FREM3: variants seen among roughly 807,000 people sequenced by gnomAD.
FREM3 encodes FRAS1 related extracellular matrix 3.
Under a neutral mutation model 129.1 loss-of-function variants are expected in FREM3, and 105 were observed. The ratio of observed to expected loss-of-function variants is 0.81; its 90% CI spans 0.69 to 0.96. The LOEUF is 0.96. FREM3 is among the 40% of genes least tolerant of loss of function. The probability of loss-of-function intolerance (pLI) is 0.00; values close to 1 mark genes in which losing one functional copy is unlikely to be tolerated. For missense variants in FREM3, 2,593 were observed against 2,666.3 expected, an observed-to-expected ratio of 0.97 and a Z score of 0.61; for synonymous variants, 1,014 against 1,044.9, an observed-to-expected ratio of 0.97 and a Z score of 0.57.
At chr4:143,643,131 G>T (rs1739351185) in intron 2 of FREM3, among the ~76,000 whole-genome samples, 1 of 152,092 alleles carries the variant, frequency 6.6e-6, no homozygotes, top group African/African-American at 2.4e-5. Context: ...GTGTTGGTGA[G>T]GATACAGAGA....
At chr4:143,674,742 C>A (rs1461777194) in intron 2 of FREM3, among the ~76,000 whole-genome samples, 1 of 152,102 alleles carries the variant, frequency 6.6e-6, no homozygotes, top group Non-Finnish European at 1.5e-5. Flanking sequence ...GGTTGCAATC[C>A]TAGTCTCTGA....
At chr4:143,635,997 A>T (rs1739227142) in intron 2 of FREM3, among the ~76,000 whole-genome samples, 1 of 152,050 alleles carries the variant, frequency 6.6e-6, no homozygotes, top group Non-Finnish European at 1.5e-5. Context: ...GCAACTTCTC[A>T]TCTGCTCCCT....
At chr4:143,634,163 G>C (rs1739193975) in intron 2 of FREM3, among the ~76,000 whole-genome samples, 1 of 152,100 alleles carries the variant, frequency 6.6e-6, no homozygotes, top group South Asian at 2.1e-4. Flanking sequence ...GTGATGATAA[G>C]AAGCCCAAGT....
chr4:143,657,246 T>C (rs540760107), intron 2 of FREM3, among the ~76,000 whole-genome samples: 1 of 152,356 alleles, frequency 6.6e-6, no homozygotes, highest in African/African-American at 2.4e-5. Context: ...TATAATAGTT[T>C]CTCAGAAAGC....
At chr4:143,683,498 A>T (rs995564081) in intron 2 of FREM3, among the ~76,000 whole-genome samples, 1 of 152,234 alleles carries the variant, frequency 6.6e-6, no homozygotes, top group African/African-American at 2.4e-5. Context: ...CAGGGGTAGA[A>T]GAAGCAGCAG....
intron 2 of FREM3, among the ~76,000 whole-genome samples, chr4:143,640,162 A>G (rs149097408): frequency 6.6e-6 from 1 of 152,220 alleles, no homozygotes; most frequent in East Asian, 1.9e-4. Context: ...TGCACCTCTC[A>G]GGGTACTGCA....
rs756690432 is a variant in FREM3, at chr4:143,700,426, C to A, written c.250G>T (p.Asp84Tyr). 1 of 1,531,178 alleles carries A rather than the reference C, an allele frequency of 6.5e-7. No individual in the cohort carries two copies. The highest frequency in any genetic ancestry group is 2.0e-5 in the Admixed American group (1 of 50,638). The allele number at this position is 1,531,178 out of a possible 1,614,324, so 94.8% of individuals were successfully genotyped here. ...GRSLWLDPLR[D>Y]LVIGVQPGDR... ...CCCGGCTGCACTCCAATCACCAGAT[C>A]CCGGAGCGGGTCGAGCCAAAGGGAA... is the stretch of plus-strand genomic sequence containing the variant. Residue 84 changes from aspartate (D) to tyrosine (Y), a missense_variant, in exon 1 of 8, where the codon GAT becomes TAT. Coordinates refer to ENST00000329798, the MANE Select transcript of FREM3 (RefSeq NM_001168235.2).
chr4:143,652,792 C>G (rs1427044138), intron 2 of FREM3, among the ~76,000 whole-genome samples: 5 of 152,242 alleles, frequency 3.3e-5, no homozygotes, highest in Admixed American at 3.3e-4. Flanking sequence ...CCATGCCCAG[C>G]TAATTTTTGT....
intron 2 of FREM3, among the ~76,000 whole-genome samples, chr4:143,681,007 G>A (rs924240132): frequency 6.6e-6 from 1 of 152,074 alleles, no homozygotes; most frequent in Non-Finnish European, 1.5e-5. Context: ...ATATCAAAAT[G>A]CATAATATTA....
intron 5 of FREM3, among the ~76,000 whole-genome samples, chr4:143,618,697 C>A (rs1738897313): frequency 6.6e-6 from 1 of 152,124 alleles, no homozygotes; most frequent in Non-Finnish European, 1.5e-5. Context: ...AGTTCGAGAC[C>A]AGCCTGGGCA....
chr4:143,685,809 A>C (rs548224954), intron 2 of FREM3, among the ~76,000 whole-genome samples: 1 of 151,984 alleles, frequency 6.6e-6, no homozygotes, highest in South Asian at 2.1e-4. Context: ...GAGTCGAACA[A>C]TGAGAACACA....
At chr4:143,681,773 T>C (rs1176929345) in intron 2 of FREM3, among the ~76,000 whole-genome samples, 1 of 152,202 alleles carries the variant, frequency 6.6e-6, no homozygotes, top group Non-Finnish European at 1.5e-5. Context: ...AATTGATATA[T>C]GTTAAGCATC....
chr4:143,642,785 T>C (rs1739343650), intron 2 of FREM3, among the ~76,000 whole-genome samples: 1 of 151,974 alleles, frequency 6.6e-6, no homozygotes, highest in Non-Finnish European at 1.5e-5. Context: ...AATAGACAAA[T>C]GGAATGACAT....
chr4:143,602,481 T>C (rs1228316819), intron 6 of FREM3, among the ~76,000 whole-genome samples: 1 of 152,040 alleles, frequency 6.6e-6, no homozygotes, highest in Admixed American at 6.6e-5. Context: ...AAAGCAGAAG[T>C]ATCTCCCAAA....
At chr4:143,659,480 A>G (rs1266233700) in intron 2 of FREM3, among the ~76,000 whole-genome samples, 1 of 152,100 alleles carries the variant, frequency 6.6e-6, no homozygotes, top group Non-Finnish European at 1.5e-5. Context: ...CCAGTCTGTC[A>G]TTGTTGGACA....
intron 6 of FREM3, among the ~76,000 whole-genome samples, chr4:143,596,836 G>T (rs906716505): frequency 6.6e-6 from 1 of 152,136 alleles, no homozygotes; most frequent in African/African-American, 2.4e-5. Context: ...TTTGTGGGAG[G>T]CTGAGGTGGG....
chr4:143,684,222 C>T (rs925598068), intron 2 of FREM3, among the ~76,000 whole-genome samples: 2 of 152,156 alleles, frequency 1.3e-5, no homozygotes, highest in Admixed American at 6.6e-5. Context: ...GAGCATTAAA[C>T]CACCAAAGCT....
rs1409939582 is a variant in FREM3 at position 143,611,300 on chromosome 4, T to C, written c.6007A>G (p.Ile2003Val). ...GARFPTTKVT[I>V]LADRYDEPVL... ...TTACCATCATAACGATCAGCCAGAATAGTCACCTTAGTGGTGGGGAATCTG... is the reference window on the plus strand; with the variant it reads ...TTACCATCATAACGATCAGCCAGAACAGTCACCTTAGTGGTGGGGAATCTG... Residue 2003 changes from isoleucine (I) to valine (V), a missense_variant, in exon 6 of 8, where the codon ATT (isoleucine) becomes GTT (valine). Physicochemically the swap from Ile to Val is conservative, Grantham distance 29. Around this residue, in one of 2 missense-constraint regions of FREM3, gnomAD observed 317 missense variants for 399.0 expected, o/e 0.79. Coordinates refer to ENST00000329798, the MANE Select transcript of FREM3 (RefSeq NM_001168235.2). The C allele has an allele frequency of 1.3e-6, 2 of 1,536,978 alleles. No individual in the cohort carries two copies. Among genetic ancestry groups the C allele is most frequent in the African/African-American group, 1.4e-5 (1 of 73,148 alleles).
Position 143,699,141 on chromosome 4 carries a change from G to A in FREM3, c.1535C>T (p.Thr512Ile). The change falls in exon 1 of 8, where the codon ACC (threonine) becomes ATC (isoleucine). Residue 512 changes from threonine to isoleucine, a missense_variant. This residue lies in a region of FREM3 where 2,276 missense variants were observed against 2,267.2 expected (regional missense o/e 1.00). Coordinates refer to ENST00000329798, the MANE Select transcript of FREM3 (RefSeq NM_001168235.2). The surrounding 1 kb of genome is among the most constrained non-coding windows in gnomAD (Gnocchi z 4.2). ...CCGGAAGATGATATTGTCACTGTAG[G>A]TGTTGCTGCCATCATGCTGATACAC... ...RVVYQHDGSN[T>I]YSDNIIFRME... The A allele has an allele frequency of 1.3e-6, 2 of 1,537,392 alleles. No homozygotes were observed. The highest frequency in any genetic ancestry group is 1.7e-6 in the Non-Finnish European group (2 of 1,146,946).
Sources: gnomAD v4.1 joint callset for allele counts (sites outside exome capture counted in the v4.1 genomes callset) on GRCh38, gnomAD v4.1.1 for gene constraint, gnomAD v4.1.1 regional missense constraint, Gnocchi (gnomAD v3.1) non-coding constraint, MANE v1.5 for transcripts, NCBI Gene and HGNC (gene_info 2026-07-23, HGNC 2026-07-21) for gene names.